FBLN7: variants seen among roughly 807,000 people sequenced by gnomAD.
The protein encoded by FBLN7 is fibulin-7.
Under a neutral mutation model 44.0 loss-of-function variants are expected in FBLN7, and 31 were observed. The observed-to-expected ratio is 0.70, with a 90% CI of 0.53 to 0.95. The LOEUF is 0.95. FBLN7 is among the 40% of genes least tolerant of loss of function. The pLI is 0.00. For synonymous variants in FBLN7, 262 were observed against 253.4 expected, an observed-to-expected ratio of 1.03 and a Z score of -0.32; for missense variants, 573 against 618.5, an observed-to-expected ratio of 0.93 and a Z score of 0.78.
downstream of FBLN7, among the ~76,000 whole-genome samples, chr2:112,191,042 A>G (rs1389791797): frequency 9.2e-5 from 14 of 152,124 alleles, no homozygotes; most frequent in Non-Finnish European, 4.4e-5. Context: ...CAATGGTACA[A>G]CCATAGCTCA....
chr2:112,239,340 A>T, the FBLN7 span, among the ~76,000 whole-genome samples: 5 of 152,254 alleles, frequency 3.3e-5, no homozygotes, highest in African/African-American at 1.2e-4. Context: ...CATTTTAATC[A>T]GAAAGTTTAT....
At chr2:112,188,680 T>C (rs978443325), downstream of FBLN7, 11 of 152,330 alleles carry the variant, frequency 7.2e-5, no homozygotes, top group African/African-American at 2.6e-4. Context: ...TAAATCTTTG[T>C]ATTTGCCCTG....
At chr2:112,169,753 A>G (rs1682352361) in intron 3 of FBLN7, among the ~76,000 whole-genome samples, 1 of 152,170 alleles carries the variant, frequency 6.6e-6, no homozygotes, top group Non-Finnish European at 1.5e-5. Context: ...GCAGCCACAC[A>G]CCAAGGGAAG....
chr2:112,159,954 T>C, intron 2 of FBLN7, 119 bp downstream of exon 2: 1 of 721,056 alleles, frequency 1.4e-6, no homozygotes, highest in Non-Finnish European at 1.9e-6. Flanking sequence ...CCTTCCATCT[T>C]CCAACTGTGG....
At chr2:112,185,418 G>A in intron 7 of FBLN7, 79 bp downstream of exon 7, 1 of 1,544,946 alleles carries the variant, frequency 6.5e-7, no homozygotes, top group South Asian at 1.2e-5. Flanking sequence ...GAGGTTCTTG[G>A]GAGAAGGTAC....
chr2:112,173,163 G>A (rs1327166873), intron 3 of FBLN7, among the ~76,000 whole-genome samples: 1 of 152,080 alleles, frequency 6.6e-6, no homozygotes, highest in African/African-American at 2.4e-5. Flanking sequence ...TGCTCACGTT[G>A]GAAAAACAAC....
At chr2:112,148,164 T>C (rs1049481639) in intron 1 of FBLN7, among the ~76,000 whole-genome samples, 1 of 152,036 alleles carries the variant, frequency 6.6e-6, no homozygotes, top group Non-Finnish European at 1.5e-5. Flanking sequence ...GCCTGGGAAG[T>C]CAGCCCATCA....
At position 112,186,490 on chromosome 2, in the gene FBLN7, A is replaced by G. The variant is rs189505080; in HGVS notation, c.948-644A>G. ...CCCCGTCTCTACTAAAAATACAAAAATTAGCTGGGCGTGGTGGTGGGCACC... is the reference window on the plus strand; with the variant it reads ...CCCCGTCTCTACTAAAAATACAAAAGTTAGCTGGGCGTGGTGGTGGGCACC... On this transcript the variant is annotated intron_variant, in intron 7 of 7. Transcript: ENST00000331203. 9.9e-5 allele frequency among the ~76,000 whole-genome samples: 15 copies of G among 152,246 alleles called. 1 individual carries two copies. The highest frequency in any genetic ancestry group is 9.8e-4 in the Admixed American group (15 of 15,292).
chr2:112,234,108 A>G, the FBLN7 span: 1 of 1,448,564 alleles, frequency 6.9e-7, no homozygotes, highest in Admixed American at 2.3e-5. Context: ...TTTTGCTTAC[A>G]CATTTTTATA....
chr2:112,166,683 G>A (rs1028791969), intron 3 of FBLN7, among the ~76,000 whole-genome samples: 5 of 152,196 alleles, frequency 3.3e-5, no homozygotes, highest in Non-Finnish European at 7.3e-5. Context: ...AACCCATGGC[G>A]GGGGAGATGG....
chr2:112,214,713 G>A, the FBLN7 span: 1 of 152,212 alleles, frequency 6.6e-6, no homozygotes, highest in East Asian at 1.9e-4. Flanking sequence ...TGAGGAACCA[G>A]AGCAAACTGT....
At chr2:112,172,554 T>C (rs1682515906) in intron 3 of FBLN7, among the ~76,000 whole-genome samples, 1 of 152,088 alleles carries the variant, frequency 6.6e-6, no homozygotes, top group Non-Finnish European at 1.5e-5. Flanking sequence ...AGTCATTTGA[T>C]TAGGATCTGT....
At chr2:112,154,334 A>G (rs1681309310) in intron 1 of FBLN7, among the ~76,000 whole-genome samples, 1 of 152,190 alleles carries the variant, frequency 6.6e-6, no homozygotes. Context: ...CTCTAAGAAA[A>G]AGATTTAAAA....
chr2:112,197,274 C>CACACAGAGAG, the FBLN7 span, among the ~76,000 whole-genome samples: 42 of 98,592 alleles, frequency 4.3e-4, no homozygotes, highest in Middle Eastern at 5.7e-3. Context: ...CACACACACA[C>CACACAGAGAG]AGAGAGAGAG....
the FBLN7 span, among the ~76,000 whole-genome samples, chr2:112,203,713 T>C: frequency 6.6e-6 from 1 of 152,172 alleles, no homozygotes; most frequent in African/African-American, 2.4e-5. Context: ...AAGAAAAAGA[T>C]GTTTAATTGG....
the FBLN7 span, among the ~76,000 whole-genome samples, chr2:112,218,206 C>G: frequency 6.6e-6 from 1 of 152,158 alleles, no homozygotes; most frequent in Non-Finnish European, 1.5e-5. Context: ...ATTGAAAAGA[C>G]TGTATATGAG....
At chr2:112,165,276 T>C (rs927079113) in intron 3 of FBLN7, 105 bp downstream of exon 3, 5 of 1,390,676 alleles carry the variant, frequency 3.6e-6, no homozygotes, top group Non-Finnish European at 3.9e-6. Flanking sequence ...GCTTGGTTCT[T>C]TAATCATTCC....
At chr2:112,222,278 C>T in the FBLN7 span, among the ~76,000 whole-genome samples, 4 of 152,140 alleles carry the variant, frequency 2.6e-5, no homozygotes, top group Admixed American at 2.6e-4. Context: ...TGTCTGTTTA[C>T]TTCCTGAGTA....
chr2:112,192,507 C>G (rs1683523607), downstream of FBLN7, among the ~76,000 whole-genome samples: 1 of 152,168 alleles, frequency 6.6e-6, no homozygotes. Flanking sequence ...ATCCTGGGCA[C>G]TTGAGCAGTA....
Sources: allele counts gnomAD v4.1 joint callset (sites outside exome capture counted in the v4.1 genomes callset), GRCh38; gene constraint gnomAD v4.1.1; transcripts MANE v1.5; gene names NCBI Gene and HGNC (gene_info 2026-07-23, HGNC 2026-07-21).